TOX2: variants seen among roughly 807,000 people sequenced by gnomAD.
The protein encoded by TOX2 is granulosa cell HMG box 1.
TOX2 carries 15 observed loss-of-function variants against 47.4 expected under a neutral mutation model. The observed-to-expected ratio is 0.32, with a 90% confidence interval of 0.21 to 0.49. The LOEUF is 0.49. Among genes scored for constraint, TOX2 ranks in the 20% least tolerant of loss-of-function variants. The pLI, the probability that TOX2 is intolerant of heterozygous loss-of-function variation, is 0.99. For synonymous variants in TOX2, 290 were observed against 296.6 expected (o/e 0.98, Z 0.23); for missense variants, 622 against 673.1 (o/e 0.92, Z 0.84).
chr20:43,929,048 A>G (rs2069218372), intron 1 of TOX2, among the ~76,000 whole-genome samples: 1 of 151,592 alleles, frequency 6.6e-6, no homozygotes, highest in African/African-American at 2.4e-5. Context: ...AATCTCAACT[A>G]CTTGGGAGGC....
At chr20:43,951,800 C>A (rs973204997) in intron 1 of TOX2, among the ~76,000 whole-genome samples, 2 of 141,866 alleles carry the variant, frequency 1.4e-5, no homozygotes, top group Non-Finnish European at 3.0e-5. Context: ...TAGCATCAAA[C>A]TCCTGGGCTC....
In TOX2 at chr20:44,065,884, G is replaced by T. The variant is rs377621372; in HGVS notation, c.1133G>T (p.Gly378Val). ...ASPASLARTL[G>V]SKSLLPGLSA... ...CCTGCCAGCCTCGCCCGGACGCTGGGCTCCAAGTCTCTGCTGCCAGGCCTC... is the reference window on the plus strand; with the variant it reads ...CCTGCCAGCCTCGCCCGGACGCTGGTCTCCAAGTCTCTGCTGCCAGGCCTC... Residue 378 changes from glycine to valine, a missense_variant, in exon 7 of 9, where the codon GGC (glycine) becomes GTC (valine). Physicochemically the swap from Gly to Val is moderately radical, Grantham distance 109. This residue lies in a region of TOX2 where 294 missense variants were observed against 300.0 expected (regional missense o/e 0.98). Transcript: ENST00000341197. 1.2e-6 allele frequency: 2 copies of T among 1,612,430 alleles called. No individual in the cohort carries two copies. The highest frequency in any genetic ancestry group is 2.7e-5 in the African/African-American group (2 of 74,884).
chr20:44,043,175 T>C (rs1305811690), intron 3 of TOX2, among the ~76,000 whole-genome samples: 1 of 152,112 alleles, frequency 6.6e-6, no homozygotes, highest in African/African-American at 2.4e-5. Context: ...GCTGACCCTG[T>C]TTCAGACATT....
chr20:43,915,019 C>T lies in TOX2; in HGVS notation c.99+29C>T. On this transcript the variant is annotated intron_variant, in intron 1 of 8. Transcript: ENST00000341197. This position sits in a 1 kb window ranked among gnomAD's most constrained non-coding sequence, Gnocchi z 7.1. Reference sequence around the variant, plus strand: ...GGCGGGGGCGGGCGGGGGTCCCCGGCGGGCGGGGCCGGAGTCACCTGGCAG... The same window carrying T: ...GGCGGGGGCGGGCGGGGGTCCCCGGTGGGCGGGGCCGGAGTCACCTGGCAG... 8.2e-7 allele frequency: 1 copy of T among 1,215,802 alleles called. No individual in the cohort carries two copies. Among genetic ancestry groups the T allele is most frequent in the Non-Finnish European group, 1.0e-6 (1 of 972,184 alleles). 75.3% of individuals were successfully genotyped at this position (1,215,802 alleles called of 1,614,324 possible). A position where few individuals can be genotyped will look rare whatever the true frequency, so the allele number is the denominator to read the frequency against.
chr20:44,004,323 A>G (rs749432168), intron 2 of TOX2, among the ~76,000 whole-genome samples: 12 of 152,180 alleles, frequency 7.9e-5, no homozygotes, highest in Non-Finnish European at 1.5e-4. Flanking sequence ...CGAAACCCAG[A>G]CTGGTTGAGG....
intron 2 of TOX2, among the ~76,000 whole-genome samples, chr20:43,996,430 GGCC>G (rs2070482253): frequency 1.3e-5 from 2 of 152,206 alleles, no homozygotes; most frequent in Non-Finnish European, 2.9e-5. Context: ...GGCCTGCCCT[GGCC>G]TAGCCAGGAC....
intron 3 of TOX2, among the ~76,000 whole-genome samples, chr20:44,008,722 T>A (rs150484287): frequency 4.9e-4 from 75 of 152,352 alleles, no homozygotes; most frequent in African/African-American, 1.8e-3. Flanking sequence ...TTTTTTTCCC[T>A]TCACATTTAA....
chr20:43,960,852 T>C (rs552340306), intron 1 of TOX2, among the ~76,000 whole-genome samples: 3 of 152,234 alleles, frequency 2.0e-5, no homozygotes, highest in Non-Finnish European at 4.4e-5. Flanking sequence ...GCCTAGCTCC[T>C]GGGCAGACCA....
chr20:43,957,276 G>A (rs1439096992), intron 1 of TOX2, among the ~76,000 whole-genome samples: 1 of 152,084 alleles, frequency 6.6e-6, no homozygotes, highest in Non-Finnish European at 1.5e-5. Context: ...TCCTAAATAG[G>A]GACAGGATAA....
chr20:44,035,133 C>T (rs749520619), intron 3 of TOX2, among the ~76,000 whole-genome samples: 1 of 152,242 alleles, frequency 6.6e-6, no homozygotes, highest in Non-Finnish European at 1.5e-5. Flanking sequence ...TCTCTGGGAC[C>T]TCTTGTCTCC....
intron 1 of TOX2, among the ~76,000 whole-genome samples, chr20:43,929,567 C>T (rs749002348): frequency 2.6e-5 from 4 of 152,210 alleles, no homozygotes; most frequent in Non-Finnish European, 2.9e-5. Context: ...TTCTTGCCCT[C>T]ATTCTTTACA....
Position 43,977,991 on chromosome 20 carries a change from T to A in TOX2, c.165+4559T>A, listed in dbSNP as rs529223949. ...CCTCCATGCCTCAGCATGGGCCAGA[T>A]TTCCTTATGCAAGTGATAGCAGCTT... On this transcript the variant is annotated intron_variant, in intron 2 of 8. Coordinates refer to ENST00000341197, the MANE Select transcript of TOX2 (RefSeq NM_001098797.2). Among the ~76,000 whole-genome samples, 5 of 152,284 alleles carry A rather than the reference T, an allele frequency of 3.3e-5. No homozygotes were observed. In the East Asian group the frequency reaches 9.7e-4, roughly 29 times the overall value.
chr20:44,026,303 T>C (rs1472717053), intron 3 of TOX2, among the ~76,000 whole-genome samples: 1 of 140,078 alleles, frequency 7.1e-6, no homozygotes, highest in African/African-American at 2.7e-5. Flanking sequence ...AATGAATTAA[T>C]GGCATTTGCA....
intron 3 of TOX2, among the ~76,000 whole-genome samples, chr20:44,050,046 C>CT (rs2071482269): frequency 6.6e-6 from 1 of 152,178 alleles, no homozygotes; most frequent in Non-Finnish European, 1.5e-5. Context: ...CAGAAGTCTT[C>CT]TTGAACAACT....
At chr20:43,951,027 C>T (rs935933839) in intron 1 of TOX2, among the ~76,000 whole-genome samples, 1 of 151,944 alleles carries the variant, frequency 6.6e-6, no homozygotes, top group Non-Finnish European at 1.5e-5. Flanking sequence ...GGGATGGGCT[C>T]ACGTAGTCAT....
rs1027252774 is a variant in TOX2 at position 43,954,634 on chromosome 20, G to T, written c.100-18733G>T. ...ACCTGCCTTGGAGGACAGACACCAG[G>T]CAGGGGCCAGCTGAGGAGGAGTGCC... is the stretch of plus-strand genomic sequence containing the variant. On this transcript the variant is annotated intron_variant, in intron 1 of 8. Transcript: ENST00000341197. Among the ~76,000 whole-genome samples the T allele has an allele frequency of 5.3e-5, 8 of 152,326 alleles. No individual in the cohort carries two copies. In the East Asian group the frequency reaches 1.4e-3, roughly 26 times the overall value.
intron 3 of TOX2, among the ~76,000 whole-genome samples, chr20:44,021,297 A>G (rs1299214822): frequency 3.3e-5 from 5 of 152,110 alleles, no homozygotes; most frequent in African/African-American, 4.8e-5. Context: ...AGGTAGACAG[A>G]CTCAGACATT....
intron 1 of TOX2, among the ~76,000 whole-genome samples, chr20:43,944,881 A>G (rs2069444852): frequency 1.3e-5 from 2 of 152,256 alleles, no homozygotes; most frequent in African/African-American, 4.8e-5. Context: ...TCCAGCAGGC[A>G]GAGCTAGGAT....
chr20:44,041,516 T>C (rs1321479413), intron 3 of TOX2, among the ~76,000 whole-genome samples: 1 of 152,164 alleles, frequency 6.6e-6, no homozygotes, highest in Non-Finnish European at 1.5e-5. Context: ...GGTTTTTATC[T>C]AAGAATAGCC....
Sources: allele counts gnomAD v4.1 joint callset (sites outside exome capture counted in the v4.1 genomes callset), GRCh38; gene constraint gnomAD v4.1.1; regional missense constraint gnomAD v4.1.1; non-coding constraint Gnocchi (gnomAD v3.1); transcripts MANE v1.5; gene names NCBI Gene and HGNC (gene_info 2026-07-23, HGNC 2026-07-21).